GTPBP10: variants seen among roughly 807,000 people sequenced by gnomAD.
GTPBP10 encodes the protein GTP-binding protein 10.
GTPBP10 carries 38 observed loss-of-function variants against 44.8 expected under a neutral mutation model. That is an observed-to-expected ratio of 0.85 (90% confidence interval 0.65 to 1.11). GTPBP10 has a LOEUF of 1.11. Ranked by LOEUF, GTPBP10 falls within the 50% of genes most tolerant of loss-of-function variation. The probability of loss-of-function intolerance (pLI) is 0.00; values close to 1 mark genes in which losing one functional copy is unlikely to be tolerated. For missense variants in GTPBP10, 462 were observed against 453.7 expected (o/e 1.02, Z -0.17); for synonymous variants, 152 against 150.6 (o/e 1.01, Z -0.07).
intron 1 of GTPBP10, among the ~76,000 whole-genome samples, chr7:90,352,288 T>A (rs1482986322): frequency 6.6e-6 from 1 of 152,224 alleles, no homozygotes; most frequent in Non-Finnish European, 1.5e-5. Flanking sequence ...AGGAACAGAT[T>A]TTACCTGGGG....
At chr7:90,354,786 G>A (rs1238549488) in intron 3 of GTPBP10, among the ~76,000 whole-genome samples, 1 of 151,976 alleles carries the variant, frequency 6.6e-6, no homozygotes, top group African/African-American at 2.4e-5. Flanking sequence ...CTTTTCAATT[G>A]TTTACTGAAG....
chr7:90,346,727 T>G lies in GTPBP10; in HGVS notation c.-15T>G. ...GTGCCGCTTCCGCAAGAAGGTTTCC[T>G]GGCCTGTTGCAGCCATGGTGCATTG... On this transcript the variant is annotated 5_prime_UTR_variant, in exon 1 of 10. Coordinates refer to ENST00000222511, the MANE Select transcript of GTPBP10 (RefSeq NM_033107.4). 6.2e-7 allele frequency: 1 copy of G among 1,614,228 alleles called. No individual in the cohort carries two copies. The highest frequency in any genetic ancestry group is 8.5e-7 in the Non-Finnish European group (1 of 1,180,022).
rs989016661 is a variant in GTPBP10, at chr7:90,355,222, C to G, written c.456C>G (p.Gly152=). 2 of 1,577,166 alleles carry G rather than the reference C, an allele frequency of 1.3e-6. No individual in the cohort carries two copies. The highest frequency in any genetic ancestry group is 2.7e-5 in the African/African-American group (2 of 73,358). Residue 152 remains glycine (G), a synonymous_variant, in exon 4 of 10, where the codon GGC becomes GGG. Coordinates refer to ENST00000222511, the MANE Select transcript of GTPBP10 (RefSeq NM_033107.4). ...HLDLKLIADV[G]LVGFPNAGKS... is the part of the protein sequence containing the mutation. Reference sequence around the variant, plus strand: ...ATCTAAAACTTATAGCTGATGTAGGCCTAGTAGGGTAAGTATCGTTCATAT... The same window carrying G: ...ATCTAAAACTTATAGCTGATGTAGGGCTAGTAGGGTAAGTATCGTTCATAT...
chr7:90,384,522 C>T (rs192660067), intron 9 of GTPBP10, among the ~76,000 whole-genome samples: 2 of 152,146 alleles, frequency 1.3e-5, no homozygotes, highest in Admixed American at 1.3e-4. Flanking sequence ...TAGAATGTCT[C>T]AAATCATAAA....
Position 90,389,804 on chromosome 7 carries a change from A to C in GTPBP10, c.*4650A>C, listed in dbSNP as rs1796586232. Reference sequence around the variant, plus strand: ...ATATCTGTTCTATTTGTTTAGTTTTATTTATTCTTTTTAGAGACAGGGTCT... The same window carrying C: ...ATATCTGTTCTATTTGTTTAGTTTTCTTTATTCTTTTTAGAGACAGGGTCT... On this transcript the variant is annotated 3_prime_UTR_variant, in exon 10 of 10. Coordinates refer to ENST00000222511, the MANE Select transcript of GTPBP10 (RefSeq NM_033107.4). 6.6e-6 allele frequency: 1 copy of C among 151,938 alleles called. No homozygotes were observed. Among genetic ancestry groups the C allele is most frequent in the African/African-American group, 2.4e-5 (1 of 41,372 alleles). 9.4% of individuals were successfully genotyped at this position (151,938 alleles called of 1,614,324 possible).
chr7:90,381,931 C>G (rs1796441589), intron 8 of GTPBP10, among the ~76,000 whole-genome samples: 1 of 152,064 alleles, frequency 6.6e-6, no homozygotes, highest in African/African-American at 2.4e-5. Context: ...TGATTAAAGA[C>G]TTAAAGCCTG....
chr7:90,353,262 C>T (rs1036456249), intron 2 of GTPBP10: 40 of 289,478 alleles, frequency 1.4e-4, no homozygotes, highest in Admixed American at 7.1e-4. Flanking sequence ...CTGTAGAAAC[C>T]GATAATTATC....
rs752256106 is a variant in GTPBP10, at chr7:90,355,195, T to G, written c.429T>G (p.Leu143=). ...AAGGCCAGAAACGAATAATTCACCT[T>G]GATCTAAAACTTATAGCTGATGTAG... ...PLKGQKRIIH[L]DLKLIADVGL... The change falls in exon 4 of 10, where the codon CTT becomes CTG. Residue 143 remains leucine (L), a synonymous_variant. Coordinates refer to ENST00000222511, the MANE Select transcript of GTPBP10 (RefSeq NM_033107.4). 1 of 1,603,810 alleles carries G rather than the reference T, an allele frequency of 6.2e-7. No homozygotes were observed. The highest frequency in any genetic ancestry group is 8.5e-7 in the Non-Finnish European group (1 of 1,174,432).
intron 4 of GTPBP10, among the ~76,000 whole-genome samples, chr7:90,364,645 A>G (rs1044838415): frequency 1.4e-4 from 22 of 152,152 alleles, no homozygotes; most frequent in Non-Finnish European, 2.9e-4. Flanking sequence ...GAGAACTGCT[A>G]CTGTCTTCAA....
chr7:90,386,042 CAG>C lies in GTPBP10; in HGVS notation c.*891_*892del, dbSNP rs1796519428. On this transcript the variant is annotated 3_prime_UTR_variant, in exon 10 of 10. Transcript: ENST00000222511. ...CGCCACTGCACTTCAGCCTGGGTGA[CAG>C]AGCTAGACTCCATCTCAAAAAAAAA... 1 of 151,204 alleles carries C rather than the reference CAG, an allele frequency of 6.6e-6. No individual in the cohort carries two copies. The highest frequency in any genetic ancestry group is 1.5e-5 in the Non-Finnish European group (1 of 67,874). 9.4% of individuals were successfully genotyped at this position (151,204 alleles called of 1,614,324 possible).
chr7:90,384,854 A>G (rs1243610560), intron 9 of GTPBP10, 38 bp from the exon 10 acceptor site: 21 of 1,551,276 alleles, frequency 1.4e-5, no homozygotes, highest in Non-Finnish European at 1.8e-5. Context: ...ACTTTCGAAA[A>G]CAATGGAAAT....
In GTPBP10 at chr7:90,354,464, T is replaced by C. The variant is rs201885336; in HGVS notation, c.234T>C (p.Ser78=). ...TATACTTTTTTTTTGGTAGAATTAG[T>C]GCACTGAAAGGCTCCAAAGGAAAAG... ...VAGVGANSKI[S]ALKGSKGKDC... is the part of the protein sequence containing the mutation. Residue 78 remains serine, a synonymous_variant, in exon 3 of 10, where the codon AGT becomes AGC. Transcript: ENST00000222511. The C allele has an allele frequency of 1.5e-4, 227 of 1,554,356 alleles. No individual in the cohort carries two copies. In the East Asian group the frequency reaches 5.0e-3, roughly 34 times the overall value.
At chr7:90,355,043 C>T in intron 3 of GTPBP10, 43 bp from the exon 4 acceptor site, 1 of 1,294,358 alleles carries the variant, frequency 7.7e-7, no homozygotes, top group Non-Finnish European at 1.1e-6. Context: ...AGTGATTTCA[C>T]TTATTAATCT....
At position 90,383,010 on chromosome 7, in the gene GTPBP10, A is replaced by G. The variant is rs1385628999; in HGVS notation, c.832A>G (p.Asn278Asp). The G allele has an allele frequency of 1.3e-6, 2 of 1,599,798 alleles. No individual in the cohort carries two copies. The highest frequency in any genetic ancestry group is 2.3e-5 in the South Asian group (2 of 88,404). ...LQTKPALLAV[N>D]KMDLPDAQDK... The stretch of plus-strand genomic sequence containing the variant: ...GACAAAACCTGCACTCTTGGCAGTT[A>G]ATAAAATGGACTTGCCAGATGCCCA... The change falls in exon 9 of 10, where the codon AAT (asparagine) becomes GAT (aspartate). Residue 278 changes from asparagine to aspartate, a missense_variant. Coordinates refer to ENST00000222511, the MANE Select transcript of GTPBP10 (RefSeq NM_033107.4).
At chr7:90,346,826 C>T (rs770466806) in intron 1 of GTPBP10, 52 bp downstream of exon 1, 6 of 961,000 alleles carry the variant, frequency 6.2e-6, no homozygotes, top group Non-Finnish European at 7.9e-6. Context: ...AGCTCTGGTT[C>T]TTCTTTGCTC....
In GTPBP10 at chr7:90,355,086, G is replaced by T; in HGVS notation, c.320G>T (p.Gly107Val). The T allele has an allele frequency of 6.4e-7, 1 of 1,550,472 alleles. No homozygotes were observed. Among genetic ancestry groups the T allele is most frequent in the South Asian group, 1.2e-5 (1 of 85,458 alleles). The change falls in exon 4 of 10, where the codon GGA (glycine) becomes GTA (valine). Residue 107 changes from glycine to valine, a missense_variant and splice_region_variant. By Grantham distance (109) the Gly-to-Val change is moderately radical (BLOSUM62 -3). Transcript: ENST00000222511. ...SVTDENGKII[G>V]ELNKENDRIL... ...AAGTATTTCTCTCCCTCTTTTTAAG[G>T]AGAACTCAATAAAGAAAATGACAGA...
intron 8 of GTPBP10, among the ~76,000 whole-genome samples, chr7:90,380,758 A>G (rs1050495183): frequency 6.6e-6 from 1 of 152,182 alleles, no homozygotes; most frequent in Non-Finnish European, 1.5e-5. Flanking sequence ...ATCCTATTTA[A>G]TTGAATCTTT....
intron 2 of GTPBP10, among the ~76,000 whole-genome samples, chr7:90,353,612 G>A (rs1490397747): frequency 6.6e-6 from 1 of 151,952 alleles, no homozygotes; most frequent in Non-Finnish European, 1.5e-5. Flanking sequence ...CCACAGTGCA[G>A]CATTCTGTGT....
intron 4 of GTPBP10, among the ~76,000 whole-genome samples, chr7:90,367,037 G>A (rs1203398514): frequency 1.3e-5 from 2 of 152,040 alleles, no homozygotes; most frequent in African/African-American, 2.4e-5. Context: ...CCTTCATTTC[G>A]TTATGTACCC....
Sources: allele counts gnomAD v4.1 joint callset (sites outside exome capture counted in the v4.1 genomes callset), GRCh38; gene constraint gnomAD v4.1.1; transcripts MANE v1.5; gene names NCBI Gene and HGNC (gene_info 2026-07-23, HGNC 2026-07-21).